The following TNN variants were observed in gnomAD, a reference collection of about 807,000 sequenced individuals.
TNN encodes tenascin-N.
A neutral mutation model predicts 134.4 loss-of-function variants in TNN; 122 were observed. The ratio of observed to expected loss-of-function variants is 0.91; its 90% confidence interval spans 0.78 to 1.06. The LOEUF (loss-of-function observed/expected upper bound fraction) is 1.06, where lower values mean the gene tolerates loss of function less well. Ranked by LOEUF, TNN falls within the 50% of genes least tolerant of loss-of-function variation. TNN has a pLI of 0.00. For missense variants in TNN, 1,739 were observed against 1,699.4 expected (o/e 1.02, Z -0.41); for synonymous variants, 710 against 670.3 (o/e 1.06, Z -0.91).
rs1287464226 is a variant in TNN, at chr1:175,079,447, G to C, written c.524G>C (p.Cys175Ser). 6.3e-7 allele frequency: 1 copy of C among 1,576,962 alleles called. No individual in the cohort carries two copies. The highest frequency in any genetic ancestry group is 1.1e-5 in the South Asian group (1 of 87,854). ...ACERLACPGA[C>S]SGHGRCVDGR... Reference sequence around the variant, plus strand: ...GAGCGGCTGGCCTGCCCCGGGGCGTGCAGCGGCCACGGGCGTTGCGTGGAC... The same window carrying C: ...GAGCGGCTGGCCTGCCCCGGGGCGTCCAGCGGCCACGGGCGTTGCGTGGAC... Residue 175 changes from cysteine (C) to serine (S), a missense_variant, in exon 3 of 19, where the codon TGC (cysteine) becomes TCC (serine). Coordinates refer to ENST00000239462, the MANE Select transcript of TNN (RefSeq NM_022093.2).
At chr1:175,081,490 T>C (rs990536540) in intron 4 of TNN, among the ~76,000 whole-genome samples, 1 of 152,146 alleles carries the variant, frequency 6.6e-6, no homozygotes, top group Non-Finnish European at 1.5e-5. Flanking sequence ...AAGATACAGA[T>C]GGATGGAACT....
chr1:175,118,395 T>C (rs1038266366), intron 10 of TNN, among the ~76,000 whole-genome samples, 166 bp from the exon 11 acceptor site: 2 of 152,128 alleles, frequency 1.3e-5, no homozygotes. Context: ...CAGGTATATC[T>C]TGGGGGAGAA....
At chr1:175,113,136 G>T (rs1459298199) in intron 9 of TNN, among the ~76,000 whole-genome samples, 1 of 152,072 alleles carries the variant, frequency 6.6e-6, no homozygotes, top group East Asian at 1.9e-4. Context: ...TTGTGTATCT[G>T]CTCTGCCAGT....
In TNN at chr1:175,147,186, G is replaced by A. The variant is rs534543105; in HGVS notation, c.*115G>A. On this transcript the variant is annotated 3_prime_UTR_variant, in exon 19 of 19. Transcript: ENST00000239462. ...TCAGATAGCCCGCAGAACAAATCAT[G>A]TCACCAAGCTTCAAGCCATGGAGGT... 2.9e-5 allele frequency: 31 copies of A among 1,084,568 alleles called. No individual in the cohort carries two copies. The highest frequency in any genetic ancestry group is 3.5e-5 in the Non-Finnish European group (29 of 819,794). 67.2% of individuals were successfully genotyped at this position (1,084,568 alleles called of 1,614,324 possible). A position where few individuals can be genotyped will look rare whatever the true frequency, so the allele number is the denominator to read the frequency against.
chr1:175,134,270 A>T (rs1434734424), intron 15 of TNN, among the ~76,000 whole-genome samples: 1 of 152,144 alleles, frequency 6.6e-6, no homozygotes, highest in African/African-American at 2.4e-5. Context: ...TAAAACCTGT[A>T]CTTGGCCAGG....
chr1:175,135,805 G>C, intron 15 of TNN, 40 bp from the exon 16 acceptor site: 1 of 1,523,300 alleles, frequency 6.6e-7, no homozygotes, highest in Non-Finnish European at 9.1e-7. Context: ...ACCTATGTCT[G>C]TTTGGAGGGT....
chr1:175,097,448 C>A lies in TNN; in HGVS notation c.1620C>A (p.Asp540Glu), dbSNP rs771706491. The change falls in exon 8 of 19, where the codon GAC (aspartate) becomes GAA (glutamate). Residue 540 changes from aspartate to glutamate, a missense_variant. Asp to Glu is a conservative substitution (Grantham distance 45). Transcript: ENST00000239462. ...EIDSPANLVT[D>E]RVTENTATIS... is the part of the protein sequence containing the mutation. ...ACAGCCCAGCAAACCTGGTGACTGACCGGGTGACTGAGAATACCGCCACCA... is the reference window on the plus strand; with the variant it reads ...ACAGCCCAGCAAACCTGGTGACTGAACGGGTGACTGAGAATACCGCCACCA... 1 of 1,614,110 alleles carries A rather than the reference C, an allele frequency of 6.2e-7. No homozygotes were observed. Among genetic ancestry groups the A allele is most frequent in the Non-Finnish European group, 8.5e-7 (1 of 1,180,056 alleles).
At chr1:175,095,644 G>A (rs1307289506) in intron 7 of TNN, among the ~76,000 whole-genome samples, 1 of 152,190 alleles carries the variant, frequency 6.6e-6, no homozygotes, top group Non-Finnish European at 1.5e-5. Context: ...CGCAATCTGG[G>A]CTCACTGCAA....
rs202097140 is a variant in TNN at position 175,077,623 on chromosome 1, G to A, written c.205G>A (p.Gly69Arg). ...TGACCCTCAGCCCCTCAGTGACGAT[G>A]GGGCTTCGCTCTTGGCCCTGGGGGA... Reference protein sequence around the residue: ...DADPQPLSDDGASLLALGEAR... With the variant: ...DADPQPLSDDRASLLALGEAR... The change falls in exon 2 of 19, where the codon GGG becomes AGG. Residue 69 changes from glycine to arginine, a missense_variant. By Grantham distance (125) the Gly-to-Arg change is moderately radical. Transcript: ENST00000239462. 1.6e-5 allele frequency: 26 copies of A among 1,614,236 alleles called. No homozygotes were observed. In the African/African-American group the frequency reaches 3.3e-4, roughly 21 times the overall value.
chr1:175,128,811 C>A, intron 15 of TNN, 65 bp downstream of exon 15: 3 of 1,517,818 alleles, frequency 2.0e-6, no homozygotes, highest in South Asian at 2.6e-5. Flanking sequence ...GGATGCCGGT[C>A]ATGGATGCTC....
chr1:175,103,810 G>T (rs1300980414), intron 9 of TNN, among the ~76,000 whole-genome samples: 2 of 144,478 alleles, frequency 1.4e-5, no homozygotes, highest in African/African-American at 5.0e-5. Context: ...ACCTCTGCCA[G>T]CCGCTTATGC....
chr1:175,135,222 TATTTA>T (rs1675768248), intron 15 of TNN, among the ~76,000 whole-genome samples: 1 of 152,216 alleles, frequency 6.6e-6, no homozygotes, highest in African/African-American at 2.4e-5. Flanking sequence ...ATTTAAAAAT[TATTTA>T]ATTTAGTAAT....
intron 9 of TNN, among the ~76,000 whole-genome samples, chr1:175,115,622 C>T (rs2101833874): frequency 6.6e-6 from 1 of 152,180 alleles, no homozygotes; most frequent in African/African-American, 2.4e-5. Context: ...GGGTGAATGG[C>T]TACTCACCCC....
At chr1:175,086,708 A>G (rs1674331377) in intron 6 of TNN, among the ~76,000 whole-genome samples, 2 of 152,252 alleles carry the variant, frequency 1.3e-5, no homozygotes, top group South Asian at 4.1e-4. Flanking sequence ...GCAGTATGAA[A>G]CAGTTATAGT....
At chr1:175,090,363 A>G (rs945621654) in intron 6 of TNN, among the ~76,000 whole-genome samples, 11 of 152,234 alleles carry the variant, frequency 7.2e-5, no homozygotes, top group African/African-American at 2.2e-4. Flanking sequence ...AGGTCTGTGA[A>G]AACAAGAGTA....
intron 12 of TNN, among the ~76,000 whole-genome samples, chr1:175,125,479 G>A (rs1675482483): frequency 1.3e-5 from 2 of 152,100 alleles, no homozygotes; most frequent in Admixed American, 1.3e-4. Flanking sequence ...GTGTTTGGGT[G>A]AGGAAGTACA....
In TNN at chr1:175,117,041, G is replaced by T. The variant is rs537008413; in HGVS notation, c.2222G>T (p.Arg741Leu). ...VRATIDRYVVRYTSAKDGETR... is the reference protein window; with the variant it reads ...VRATIDRYVVLYTSAKDGETR... ...GCCACCATTGACAGGTATGTGGTGC[G>T]CTACACCTCTGCCAAGGACGGAGAG... The change falls in exon 10 of 19, where the codon CGC (arginine) becomes CTC (leucine). Residue 741 changes from arginine to leucine, a missense_variant. Physicochemically the swap from Arg to Leu is moderately radical, Grantham distance 102. Transcript: ENST00000239462. 1.2e-6 allele frequency: 2 copies of T among 1,614,214 alleles called. No individual in the cohort carries two copies. The highest frequency in any genetic ancestry group is 1.7e-6 in the Non-Finnish European group (2 of 1,180,050).
chr1:175,079,369 C>G lies in TNN; in HGVS notation c.446C>G (p.Ser149Cys). The change falls in exon 3 of 19, where the codon TCC becomes TGC. Residue 149 changes from serine (S) to cysteine (C), a missense_variant. Physicochemically the swap from Ser to Cys is moderately radical, Grantham distance 112. Transcript: ENST00000239462. The stretch of plus-strand genomic sequence containing the variant: ...CACTGCAGCGGCCACGGGACCTTCT[C>G]CCTGGAGACCTGCAGCTGCCACTGC... ...SRHCSGHGTF[S>C]LETCSCHCEE... is the part of the protein sequence containing the mutation. 6.3e-7 allele frequency: 1 copy of G among 1,598,730 alleles called. No individual in the cohort carries two copies. Among genetic ancestry groups the G allele is most frequent in the Non-Finnish European group, 8.5e-7 (1 of 1,177,132 alleles).
At chr1:175,128,973 A>G (rs1162670645) in intron 15 of TNN, among the ~76,000 whole-genome samples, 1 of 152,178 alleles carries the variant, frequency 6.6e-6, no homozygotes, top group African/African-American at 2.4e-5. Flanking sequence ...GTAAGAAAGA[A>G]TTCAGGGTGA....
Sources: allele counts gnomAD v4.1 joint callset (sites outside exome capture counted in the v4.1 genomes callset), GRCh38; gene constraint gnomAD v4.1.1; transcripts MANE v1.5; gene names NCBI Gene and HGNC (gene_info 2026-07-23, HGNC 2026-07-21).